The following CSGALNACT1 variants were observed in gnomAD, a reference collection of about 807,000 sequenced individuals.
CSGALNACT1 encodes chondroitin sulfate N-acetylgalactosaminyltransferase 1, also known as beta4GalNAcT-1.
In CSGALNACT1, 52 loss-of-function variants were observed where a neutral mutation model predicts 51.0. The observed-to-expected ratio is 1.02, with a 90% CI of 0.82 to 1.29. The LOEUF is 1.29. Ranked by LOEUF, CSGALNACT1 falls within the 50% of genes most tolerant of loss-of-function variation. CSGALNACT1 has a pLI of 0.00. For synonymous variants in CSGALNACT1, 341 were observed against 254.4 expected (o/e 1.34, Z -3.24); for missense variants, 935 against 679.2 (o/e 1.38, Z -4.19).
chr8:19,458,952 AGACT>A (rs1378779831), intron 4 of CSGALNACT1, among the ~76,000 whole-genome samples: 1 of 152,234 alleles, frequency 6.6e-6, no homozygotes, highest in Non-Finnish European at 1.5e-5. Context: ...GGCCAAAATA[AGACT>A]GACTATGATA....
rs767074945 is a variant in CSGALNACT1, at chr8:19,701,153, G to GTT, written c.-297+56695_-297+56696dup. 7.2e-3 allele frequency among the ~76,000 whole-genome samples: 667 copies of GTT among 93,248 alleles called. 36 individuals are homozygous for GTT. The highest frequency in any genetic ancestry group is 0.015 in the South Asian group (34 of 2,236). The allele number at this position is 93,248 out of a possible 152,430, so 61.2% of individuals were successfully genotyped here. ...GAAAATTTCAGTTCATCTATTATCC[G>GTT]TTTTTTTTTTTTTTTTTTTTGATAC... is the stretch of plus-strand genomic sequence containing the variant. On this transcript the variant is annotated intron_variant, in intron 1 of 1. Transcript: ENST00000517494.
At chr8:19,730,311 C>G (rs2063621965) in intron 1 of CSGALNACT1, among the ~76,000 whole-genome samples, 1 of 152,182 alleles carries the variant, frequency 6.6e-6, no homozygotes, top group South Asian at 2.1e-4. Context: ...GGACACGTAG[C>G]TCCCTGGCTG....
At chr8:19,573,428 A>C (rs1475800127) in intron 3 of CSGALNACT1, among the ~76,000 whole-genome samples, 1 of 151,986 alleles carries the variant, frequency 6.6e-6, no homozygotes, top group Non-Finnish European at 1.5e-5. Flanking sequence ...AGAGTCACTT[A>C]AGTCATGAAA....
chr8:19,553,639 A>AT (rs869251447), intron 3 of CSGALNACT1, among the ~76,000 whole-genome samples: 31,046 of 119,512 alleles, frequency 0.26, 6,078 homozygotes, highest in African/African-American at 0.47. Context: ...ATATATATAT[A>AT]AAAAAATATG....
Position 19,405,619 on chromosome 8 carries a change from T to C in CSGALNACT1, c.*161A>G, listed in dbSNP as rs1035956886. 22 of 967,186 alleles carry C rather than the reference T, an allele frequency of 2.3e-5. No individual in the cohort carries two copies. The Middle Eastern group carries it at 8.4e-4, about 37-fold the overall frequency. The allele number at this position is 967,186 out of a possible 1,614,324, so 59.9% of individuals were successfully genotyped here. A position where few individuals can be genotyped will look rare whatever the true frequency, so the allele number is the denominator to read the frequency against. ...GGCAAAGCGGAGATTTTGATTTCTG[T>C]TGTAAAAAGCCCAACAGAGAGAAAT... On this transcript the variant is annotated 3_prime_UTR_variant, in exon 10 of 10. Transcript: ENST00000454498.
chr8:19,548,645 T>C (rs2087096976), intron 3 of CSGALNACT1, among the ~76,000 whole-genome samples: 1 of 152,246 alleles, frequency 6.6e-6, no homozygotes, highest in African/African-American at 2.4e-5. Context: ...ATTTTAACTT[T>C]TATCAAGCAC....
At chr8:19,405,387 A>T (rs995923934) in exon 10 of CSGALNACT1, 16 of 458,914 alleles carry the variant, frequency 3.5e-5, no homozygotes, top group Non-Finnish European at 4.8e-5. Context: ...AGGCTCATTC[A>T]TATGAGGAGA....
intron 1 of CSGALNACT1, among the ~76,000 whole-genome samples, chr8:19,736,120 CTCT>C (rs1485359185): frequency 6.6e-6 from 1 of 152,296 alleles, no homozygotes; most frequent in East Asian, 1.9e-4. Context: ...CAACAGCCAT[CTCT>C]TCTTGTCTTT....
At chr8:19,503,042 G>C (rs188509572) in intron 4 of CSGALNACT1, among the ~76,000 whole-genome samples, 6 of 152,300 alleles carry the variant, frequency 3.9e-5, no homozygotes, top group Non-Finnish European at 7.3e-5. Flanking sequence ...CTGACTAGTA[G>C]AATCTTTCCT....
chr8:19,499,292 A>G (rs2076019861), intron 4 of CSGALNACT1, among the ~76,000 whole-genome samples: 1 of 152,146 alleles, frequency 6.6e-6, no homozygotes, highest in Non-Finnish European at 1.5e-5. Context: ...ATATGCTGTC[A>G]TAACTGTCTT....
Position 19,744,770 on chromosome 8 carries a change from T to C in CSGALNACT1, c.-297+13080A>G, listed in dbSNP as rs74742378. ...GTGATTTGTCTATTCACGAACACAG[T>C]TTTTACTCACCATGTTGACTATTAA... is the stretch of plus-strand genomic sequence containing the variant. On this transcript the variant is annotated intron_variant, in intron 1 of 1. Transcript: ENST00000517494. Among the ~76,000 whole-genome samples, 985 of 152,318 alleles carry C rather than the reference T, an allele frequency of 6.5e-3. 13 individuals carry two copies. The highest frequency in any genetic ancestry group is 0.022 in the African/African-American group (922 of 41,572).
chr8:19,556,283 G>A (rs1169376700), intron 3 of CSGALNACT1, among the ~76,000 whole-genome samples: 2 of 151,928 alleles, frequency 1.3e-5, no homozygotes, highest in Non-Finnish European at 2.9e-5. Context: ...GGCTGAGGCA[G>A]GAGAATCGCT....
At chr8:19,555,491 A>G (rs1043400448) in intron 3 of CSGALNACT1, among the ~76,000 whole-genome samples, 1 of 152,202 alleles carries the variant, frequency 6.6e-6, no homozygotes, top group Non-Finnish European at 1.5e-5. Context: ...CGTGCTTCCC[A>G]TAGTACTTTC....
chr8:19,462,960 T>A (rs983680958), intron 4 of CSGALNACT1, among the ~76,000 whole-genome samples: 1 of 152,182 alleles, frequency 6.6e-6, no homozygotes, highest in Admixed American at 6.5e-5. Context: ...GGTTTTCCAA[T>A]CCTCACCCTC....
intron 4 of CSGALNACT1, among the ~76,000 whole-genome samples, chr8:19,484,199 T>A (rs932285103): frequency 1.1e-4 from 12 of 114,276 alleles, no homozygotes; most frequent in Admixed American, 4.9e-4. Context: ...GATATAGCAA[T>A]TCAGATACAC....
intron 3 of CSGALNACT1, among the ~76,000 whole-genome samples, chr8:19,514,167 C>T (rs139732007): frequency 1.7e-3 from 262 of 152,176 alleles, no homozygotes; most frequent in African/African-American, 5.8e-3. Context: ...GTGCTTGAGC[C>T]AAATCCCAGC....
At chr8:19,649,482 G>A (rs140765275) in intron 1 of CSGALNACT1, among the ~76,000 whole-genome samples, 1 of 152,176 alleles carries the variant, frequency 6.6e-6, no homozygotes, top group East Asian at 1.9e-4. Flanking sequence ...CAACATGAAT[G>A]CTGCTGTATA....
chr8:19,430,816 A>G (rs2059544122), intron 6 of CSGALNACT1, among the ~76,000 whole-genome samples: 2 of 152,178 alleles, frequency 1.3e-5, no homozygotes, highest in South Asian at 4.1e-4. Context: ...ATTAATGAAC[A>G]TGGGATGTCT....
chr8:19,584,355 AT>A (rs1341257425), intron 3 of CSGALNACT1, among the ~76,000 whole-genome samples: 4 of 152,196 alleles, frequency 2.6e-5, no homozygotes, highest in African/African-American at 9.7e-5. Context: ...TTGCAAGTCT[AT>A]GGTGATTTTC....
Sources: gnomAD v4.1 joint callset for allele counts (sites outside exome capture counted in the v4.1 genomes callset) on GRCh38, gnomAD v4.1.1 for gene constraint, MANE v1.5 for transcripts, NCBI Gene and HGNC (gene_info 2026-07-23, HGNC 2026-07-21) for gene names.